Variants in CSMD3 observed in about 807,000 individuals in gnomAD.
CSMD3 encodes the protein CUB and sushi domain-containing protein 3.
CSMD3 carries 177 observed loss-of-function variants against 435.2 expected under a neutral mutation model. The observed-to-expected ratio is 0.41, with a 90% CI of 0.36 to 0.46. CSMD3 has a LOEUF of 0.46. Ranked by LOEUF, CSMD3 falls within the 20% of genes least tolerant of loss-of-function variation. The pLI, the probability that CSMD3 is intolerant of heterozygous loss-of-function variation, is 0.34. For missense variants in CSMD3, 4,265 were observed against 4,504.6 expected (o/e 0.95, Z 1.52); for synonymous variants, 1,656 against 1,520.5 (o/e 1.09, Z -2.07).
intron 4 of CSMD3, among the ~76,000 whole-genome samples, chr8:113,105,823 T>G (rs1402129683): frequency 1.3e-5 from 2 of 152,014 alleles, no homozygotes; most frequent in Non-Finnish European, 2.9e-5. Flanking sequence ...CAAGATTCCT[T>G]AAAGATAACT....
intron 3 of CSMD3, among the ~76,000 whole-genome samples, chr8:113,228,712 C>T (rs189590581): frequency 1.3e-4 from 19 of 151,442 alleles, no homozygotes; most frequent in East Asian, 7.8e-4. Flanking sequence ...TCAAGGATAG[C>T]GAAAGAGTGT....
intron 13 of CSMD3, among the ~76,000 whole-genome samples, chr8:112,726,528 G>A (rs535933252): frequency 6.6e-6 from 1 of 151,854 alleles, no homozygotes; most frequent in Non-Finnish European, 1.5e-5. Context: ...ATATAAAAGA[G>A]AAGATCATAT....
intron 11 of CSMD3, among the ~76,000 whole-genome samples, chr8:112,842,549 G>A (rs990250926): frequency 3.3e-5 from 5 of 151,252 alleles, no homozygotes; most frequent in Non-Finnish European, 7.4e-5. Flanking sequence ...CTAATATTTT[G>A]AACATATATA....
At chr8:112,520,447 C>A (rs1037658188) in intron 27 of CSMD3, among the ~76,000 whole-genome samples, 1 of 151,916 alleles carries the variant, frequency 6.6e-6, no homozygotes, top group Non-Finnish European at 1.5e-5. Context: ...TGTCTCAGCA[C>A]AAACCTATCC....
intron 1 of CSMD3, among the ~76,000 whole-genome samples, chr8:113,380,565 G>C (rs2094410693): frequency 1.3e-5 from 2 of 152,176 alleles, no homozygotes; most frequent in Admixed American, 6.5e-5. Flanking sequence ...AATAACTATT[G>C]CCACTTTCCC....
intron 45 of CSMD3, among the ~76,000 whole-genome samples, chr8:112,328,941 G>A (rs1823771968): frequency 6.6e-6 from 1 of 152,152 alleles, no homozygotes; most frequent in African/African-American, 2.4e-5. Flanking sequence ...AGCAGTGTGA[G>A]AATGGACTAA....
Position 112,645,194 on chromosome 8 carries a change from A to C in CSMD3, c.3225T>G (p.Ser1075Arg), listed in dbSNP as rs774785873. Residue 1075 changes from serine to arginine, a missense_variant, in exon 20 of 71, where the codon AGT becomes AGG. This residue lies in a region of CSMD3 where 3,255 missense variants were observed against 3,380.2 expected (regional missense o/e 0.96). Coordinates refer to ENST00000297405, the MANE Select transcript of CSMD3 (RefSeq NM_198123.2). Reference protein sequence around the residue: ...ALCGGDVRGPSGTILSPGYPE... With the variant: ...ALCGGDVRGPRGTILSPGYPE... ...GGTAACCAGGTGATAAGATTGTTCC[A>C]CTAGGCCCTCTAACATCTCCTCCAC... 20 of 1,602,292 alleles carry C rather than the reference A, an allele frequency of 1.2e-5. No homozygotes were observed. Among genetic ancestry groups the C allele is most frequent in the African/African-American group, 2.7e-5 (2 of 74,670 alleles).
intron 1 of CSMD3, among the ~76,000 whole-genome samples, chr8:113,428,382 T>C (rs2094649758): frequency 6.6e-6 from 1 of 151,746 alleles, no homozygotes; most frequent in Non-Finnish European, 1.5e-5. Context: ...ATTTTTCTTT[T>C]AGATTTTGGT....
intron 38 of CSMD3, among the ~76,000 whole-genome samples, chr8:112,379,678 T>A (rs1196483670): frequency 6.6e-6 from 1 of 152,108 alleles, no homozygotes; most frequent in African/African-American, 2.4e-5. Flanking sequence ...AGTACTAAGA[T>A]GCATATGGAA....
Position 113,314,690 on chromosome 8 carries a change from T to C in CSMD3, c.282A>G (p.Val94=). 1 of 1,612,054 alleles carries C rather than the reference T, an allele frequency of 6.2e-7. No individual in the cohort carries two copies. Among genetic ancestry groups the C allele is most frequent in the Non-Finnish European group, 8.5e-7 (1 of 1,178,336 alleles). Residue 94 remains valine, a synonymous_variant, in exon 2 of 71, where the codon GTA becomes GTG. Coordinates refer to ENST00000297405, the MANE Select transcript of CSMD3 (RefSeq NM_198123.2). ...TTCTATTTCGTTCTTCTGCTATTAT[T>C]ACCCATGTGCAGTTTGCACCATTTG... ...GYPNGANCTW[V]IIAEERNRIQ...
intron 59 of CSMD3, among the ~76,000 whole-genome samples, chr8:112,269,304 C>T (rs1013816779): frequency 2.0e-5 from 3 of 152,074 alleles, no homozygotes; most frequent in Non-Finnish European, 4.4e-5. Flanking sequence ...AGGGGCATTT[C>T]GATAGGTGGC....
chr8:112,403,726 G>A (rs994129845), intron 35 of CSMD3, among the ~76,000 whole-genome samples: 12 of 152,002 alleles, frequency 7.9e-5, no homozygotes, highest in Non-Finnish European at 1.3e-4. Context: ...CCCCACATGG[G>A]GGATTAGGTT....
chr8:112,406,973 A>G (rs73700695), intron 34 of CSMD3, among the ~76,000 whole-genome samples: 3,097 of 152,014 alleles, frequency 0.02, 103 homozygotes, highest in African/African-American at 0.07. Context: ...AACATCAACG[A>G]TTTTTGTTTT....
intron 32 of CSMD3, among the ~76,000 whole-genome samples, chr8:112,441,927 G>A (rs1260402094): frequency 1.4e-5 from 2 of 143,404 alleles, no homozygotes. Context: ...GACCATATCA[G>A]ATTTTTTTTG....
intron 11 of CSMD3, among the ~76,000 whole-genome samples, chr8:112,839,373 T>C (rs979247067): frequency 5.3e-5 from 8 of 151,806 alleles, no homozygotes; most frequent in African/African-American, 1.9e-4. Context: ...AGAAGCTACA[T>C]AAAATGAAAA....
chr8:113,314,960 A>G (rs2093898122), intron 1 of CSMD3, among the ~76,000 whole-genome samples, 167 bp from the exon 2 acceptor site: 1 of 152,220 alleles, frequency 6.6e-6, no homozygotes, highest in Non-Finnish European at 1.5e-5. Flanking sequence ...TATGTAAAAT[A>G]TAAGAAACAA....
intron 53 of CSMD3, among the ~76,000 whole-genome samples, chr8:112,296,888 C>G (rs1820345543): frequency 6.6e-6 from 1 of 151,526 alleles, no homozygotes; most frequent in African/African-American, 2.4e-5. Flanking sequence ...TTGTCAATAA[C>G]AGGAATGAAG....
intron 4 of CSMD3, among the ~76,000 whole-genome samples, chr8:113,116,778 T>C (rs113785736): frequency 0.067 from 10,138 of 152,216 alleles, 453 homozygotes; most frequent in Non-Finnish European, 0.095. Flanking sequence ...GATAGTGATA[T>C]GCACAATGAA....
rs2131023242 is a variant in CSMD3 at position 112,346,149 on chromosome 8, G to A, written c.6390C>T (p.Asn2130=). The A allele has an allele frequency of 6.2e-7, 1 of 1,613,546 alleles. No homozygotes were observed. The highest frequency in any genetic ancestry group is 1.1e-5 in the South Asian group (1 of 91,078). The part of the protein sequence containing the change: ...GVILSPGFPG[N]YPSSLDCTWT... ...ATGTGCAATCTAAACTGCTGGGATA[G>A]TTTCCAGGAAACCCAGGACTGAGGA... Residue 2130 remains asparagine, a synonymous_variant, in exon 41 of 71, where the codon AAC becomes AAT. Coordinates refer to ENST00000297405, the MANE Select transcript of CSMD3 (RefSeq NM_198123.2).
Sources: allele counts gnomAD v4.1 joint callset (sites outside exome capture counted in the v4.1 genomes callset), GRCh38; gene constraint gnomAD v4.1.1; regional missense constraint gnomAD v4.1.1; transcripts MANE v1.5; gene names NCBI Gene and HGNC (gene_info 2026-07-23, HGNC 2026-07-21).